Variants in TSC2 observed in about 807,000 individuals in gnomAD.
The protein encoded by TSC2 is TSC complex subunit 2.
A neutral mutation model predicts 202.2 loss-of-function variants in TSC2; 29 were observed. The observed-to-expected ratio is 0.14, with a 90% confidence interval of 0.11 to 0.20. The LOEUF is 0.20. Among genes scored for constraint, TSC2 ranks in the 10% least tolerant of loss-of-function variants. The pLI, the probability that TSC2 is intolerant of heterozygous loss-of-function variation, is 1.00. For synonymous variants in TSC2, 1,349 were observed against 1,044.0 expected, an observed-to-expected ratio of 1.29 and a Z score of -5.63; for missense variants, 2,429 against 2,420.0, an observed-to-expected ratio of 1.00 and a Z score of -0.08.
chr16:2,069,046 A>G (rs2151255832), intron 16 of TSC2, among the ~76,000 whole-genome samples: 1 of 152,182 alleles, frequency 6.6e-6, no homozygotes, highest in African/African-American at 2.4e-5. Context: ...GCGGAAGAAA[A>G]TTGGCATGTA....
chr16:2,075,095 A>C (rs1438405310), intron 22 of TSC2: 1 of 157,768 alleles, frequency 6.3e-6, no homozygotes, highest in African/African-American at 2.4e-5. Context: ...GGGTGCCTGT[A>C]GTCCCAGCTA....
intron 35 of TSC2, 30 bp downstream of exon 35, chr16:2,085,056 C>T: frequency 3.1e-6 from 5 of 1,612,664 alleles, no homozygotes; most frequent in Non-Finnish European, 4.2e-6. Flanking sequence ...CCTGCATCCG[C>T]TGGAGCTGTG....
rs45517352 is a variant in TSC2 at position 2,085,233 on chromosome 16, C to G, written c.4573C>G (p.Gln1525Glu). Residue 1525 changes from glutamine (Q) to glutamate (E), a missense_variant, in exon 36 of 42, where the codon CAG (glutamine) becomes GAG (glutamate). Gln to Glu is a conservative substitution (Grantham distance 29). Transcript: ENST00000219476. Reference protein sequence around the residue: ...NKPILLPNESQSFERSVQLLD... With the variant: ...NKPILLPNESESFERSVQLLD... The stretch of plus-strand genomic sequence containing the variant: ...GGCAGGGCTCTGTGTGCCACAGTCA[C>G]AGTCCTTTGAGCGGTCGGTGCAGCT... The G allele has an allele frequency of 1.9e-6, 3 of 1,612,734 alleles. No homozygotes were observed. The highest frequency in any genetic ancestry group is 2.5e-6 in the Non-Finnish European group (3 of 1,179,934).
chr16:2,057,054 TG>T, intron 8 of TSC2, 50 bp from the exon 9 acceptor site: 1 of 1,547,126 alleles, frequency 6.5e-7, no homozygotes, highest in Non-Finnish European at 8.7e-7. Flanking sequence ...GGACTGGGGC[TG>T]GGGGCAGGGC....
chr16:2,048,287 G>C, intron 1 of TSC2: 1 of 1,139,138 alleles, frequency 8.8e-7, no homozygotes, highest in Non-Finnish European at 1.3e-6. Flanking sequence ...GAGGAGAGAC[G>C]GCAAACGTCG....
In TSC2 at chr16:2,079,553, T is replaced by G. The variant is rs756951926; in HGVS notation, c.3285-4T>G. ...CCACCCTGTGCGTGGGATTCTCTTC[T>G]CAGCTCCAGCCCCGGGGTGCATGTG... On this transcript the variant is annotated splice_region_variant and splice_polypyrimidine_tract_variant and intron_variant, in intron 28 of 41. Transcript: ENST00000219476. The surrounding 1 kb of genome is among the most constrained non-coding windows in gnomAD (Gnocchi z 4.6). The G allele has an allele frequency of 4.4e-6, 7 of 1,609,136 alleles. No individual in the cohort carries two copies. The South Asian group carries it at 7.7e-5, about 18-fold the overall frequency.
chr16:2,068,208 T>G (rs1415130543), intron 16 of TSC2, among the ~76,000 whole-genome samples: 4 of 152,076 alleles, frequency 2.6e-5, no homozygotes, highest in Non-Finnish European at 5.9e-5. Context: ...CCTGGCTAAT[T>G]TTTGTATTTT....
rs397514914 is a variant in TSC2 at position 2,071,534 on chromosome 16, C to T, written c.1864C>T (p.Arg622Trp). 1.2e-6 allele frequency: 2 copies of T among 1,613,620 alleles called. No individual in the cohort carries two copies. The highest frequency in any genetic ancestry group is 1.7e-6 in the Non-Finnish European group (2 of 1,180,026). ...GGCCTTTGACTTCCTGTTGCTGCTG[C>T]GGGCCGACTCACTGCACCGCCTGGG... ...LQAFDFLLLL[R>W]ADSLHRLGLP... The change falls in exon 18 of 42, where the codon CGG (arginine) becomes TGG (tryptophan). Residue 622 changes from arginine to tryptophan, a missense_variant. Arg to Trp is a moderately radical substitution (Grantham distance 101). Coordinates refer to ENST00000219476, the MANE Select transcript of TSC2 (RefSeq NM_000548.5).
At position 2,056,673 on chromosome 16, in the gene TSC2, C is replaced by T. The variant is rs2151078413; in HGVS notation, c.678C>T (p.Val226=). The T allele has an allele frequency of 6.2e-7, 1 of 1,612,248 alleles. No homozygotes were observed. The highest frequency in any genetic ancestry group is 8.5e-7 in the Non-Finnish European group (1 of 1,180,032). ...CCCTGCAGGTGCTGGACGCCGTGGT[C>T]TGCTACAACTGCCTGCCGGCTGAGA... ...EVSLQVLDAV[V]CYNCLPAESL... The change falls in exon 8 of 42, where the codon GTC becomes GTT. Residue 226 remains valine (V), a synonymous_variant. Transcript: ENST00000219476.
chr16:2,075,222 CA>C (rs56038642), intron 22 of TSC2: 883 of 107,222 alleles, frequency 8.2e-3, no homozygotes, highest in South Asian at 0.024. Flanking sequence ...GACACCGTCT[CA>C]AAAAAAAAAA....
Position 2,072,228 on chromosome 16 carries a change from C to T in TSC2, c.2098-13C>T, listed in dbSNP as rs375903453. ...TCCAGAAGGCCCTGTCCTGACGCCT[C>T]CTCTCCTCGCAGGAGTCTGACTGGA... On this transcript the variant is annotated splice_polypyrimidine_tract_variant and intron_variant, in intron 19 of 41. Coordinates refer to ENST00000219476, the MANE Select transcript of TSC2 (RefSeq NM_000548.5). 1.1e-5 allele frequency: 18 copies of T among 1,613,912 alleles called. No homozygotes were observed. Among genetic ancestry groups the T allele is most frequent in the Middle Eastern group, 1.6e-4 (1 of 6,062 alleles).
rs1353074849 is a variant in TSC2, at chr16:2,056,649, C to G, written c.654C>G (p.Ser218=). The G allele has an allele frequency of 3.1e-6, 5 of 1,610,874 alleles. No homozygotes were observed. Among genetic ancestry groups the G allele is most frequent in the Non-Finnish European group, 4.2e-6 (5 of 1,179,994 alleles). Reference sequence around the variant, plus strand: ...GCCGTCTCCCTCTCCACCAGGTCTCCCTGCAGGTGCTGGACGCCGTGGTCT... The same window carrying G: ...GCCGTCTCCCTCTCCACCAGGTCTCGCTGCAGGTGCTGGACGCCGTGGTCT... ...RTASSVDIEV[S]LQVLDAVVCY... Residue 218 remains serine, a synonymous_variant, in exon 8 of 42, where the codon TCC becomes TCG. Coordinates refer to ENST00000219476, the MANE Select transcript of TSC2 (RefSeq NM_000548.5).
intron 15 of TSC2, chr16:2,064,694 G>A (rs1223359559): frequency 3.6e-6 from 2 of 555,998 alleles, no homozygotes; most frequent in Non-Finnish European, 6.4e-6. Context: ...CTGGAGCCCA[G>A]ACCTGGGGCT....
intron 12 of TSC2, 72 bp downstream of exon 12, chr16:2,062,080 A>C: frequency 1.2e-6 from 2 of 1,600,576 alleles, no homozygotes; most frequent in Non-Finnish European, 1.7e-6. Context: ...GGTGAAGTGC[A>C]GCTTTCTGAG....
chr16:2,072,772 A>G, intron 20 of TSC2, 77 bp from the exon 21 acceptor site: 1 of 1,608,448 alleles, frequency 6.2e-7, no homozygotes, highest in Non-Finnish European at 8.5e-7. Context: ...CTGCGTTCCC[A>G]GGGCCTCCCC....
intron 31 of TSC2, 47 bp from the exon 32 acceptor site, chr16:2,082,389 T>C: frequency 6.2e-7 from 1 of 1,601,894 alleles, no homozygotes; most frequent in Non-Finnish European, 8.5e-7. Context: ...GACCTGTGTG[T>C]AGCCCCTCCT....
intron 14 of TSC2, chr16:2,063,348 T>A (rs1483977620): frequency 1.8e-6 from 1 of 553,518 alleles, no homozygotes; most frequent in Non-Finnish European, 3.3e-6. Context: ...AAATTCTGTG[T>A]GAGTTCGTTT....
intron 26 of TSC2, chr16:2,078,682 A>T (rs1007458077): frequency 2.7e-6 from 1 of 372,180 alleles, no homozygotes; most frequent in African/African-American, 2.1e-5. Context: ...GCAGAATGCA[A>T]TCTGGGCCTG....
chr16:2,076,470 T>C, intron 24 of TSC2, 21 bp from the exon 25 acceptor site: 2 of 1,612,894 alleles, frequency 1.2e-6, no homozygotes, highest in East Asian at 4.5e-5. Context: ...CCTCACTGTC[T>C]GGGTGTGCTC....
Sources: gnomAD v4.1 joint callset for allele counts (sites outside exome capture counted in the v4.1 genomes callset) on GRCh38, gnomAD v4.1.1 for gene constraint, Gnocchi (gnomAD v3.1) non-coding constraint, MANE v1.5 for transcripts, NCBI Gene and HGNC (gene_info 2026-07-23, HGNC 2026-07-21) for gene names.